ERLEC1: variants seen among roughly 807,000 people sequenced by gnomAD.
ERLEC1 encodes endoplasmic reticulum lectin 1, also known as ER lectin.
In ERLEC1, 47 loss-of-function variants were observed where a neutral mutation model predicts 68.0. That is an observed-to-expected ratio of 0.69 (90% CI 0.55 to 0.88). ERLEC1 has a LOEUF of 0.88. Among genes scored for constraint, ERLEC1 ranks in the 40% least tolerant of loss-of-function variants. The pLI is 0.00. For missense variants in ERLEC1, 567 were observed against 583.8 expected, an observed-to-expected ratio of 0.97 and a Z score of 0.30; for synonymous variants, 225 against 203.2, an observed-to-expected ratio of 1.11 and a Z score of -0.91.
At chr2:53,790,570 A>G (rs770570073) in intron 1 of ERLEC1, among the ~76,000 whole-genome samples, 3 of 152,220 alleles carry the variant, frequency 2.0e-5, no homozygotes, top group South Asian at 2.1e-4. Flanking sequence ...AAAACAATAT[A>G]TAATTATTTA....
At chr2:53,796,075 G>T in intron 3 of ERLEC1, 62 bp downstream of exon 3, 1 of 1,113,970 alleles carries the variant, frequency 9.0e-7, no homozygotes, top group South Asian at 1.5e-5. Flanking sequence ...ACAGACCTTT[G>T]AAAATACCGT....
chr2:53,812,555 T>G (rs1676645921), intron 10 of ERLEC1, among the ~76,000 whole-genome samples: 1 of 152,080 alleles, frequency 6.6e-6, no homozygotes, highest in South Asian at 2.1e-4. Flanking sequence ...CAGTAGTATG[T>G]GATAGTATTA....
intron 8 of ERLEC1, among the ~76,000 whole-genome samples, chr2:53,807,666 A>T (rs114332379): frequency 6.6e-6 from 1 of 152,200 alleles, no homozygotes; most frequent in East Asian, 1.9e-4. Flanking sequence ...TTCCAAAACC[A>T]AATGTAGGGA....
Position 53,795,969 on chromosome 2 carries a change from G to A in ERLEC1, c.304G>A (p.Glu102Lys). 1 of 1,604,780 alleles carries A rather than the reference G, an allele frequency of 6.2e-7. No individual in the cohort carries two copies. Among genetic ancestry groups the A allele is most frequent in the Non-Finnish European group, 8.5e-7 (1 of 1,176,888 alleles). The part of the protein sequence containing the change: ...EKDYKGPNPR[E>K]LLEPLFKQSS... Reference sequence around the variant, plus strand: ...GGATTATAAAGGCCCTAATCCAAGAGAGCTTTTGGAGCCACTATTTAAACA... The same window carrying A: ...GGATTATAAAGGCCCTAATCCAAGAAAGCTTTTGGAGCCACTATTTAAACA... The change falls in exon 3 of 14, where the codon GAG (glutamate) becomes AAG (lysine). Residue 102 changes from glutamate (E) to lysine (K), a missense_variant. Glu to Lys is a moderately conservative substitution (Grantham distance 56). Coordinates refer to ENST00000185150, the MANE Select transcript of ERLEC1 (RefSeq NM_015701.5).
Position 53,795,921 on chromosome 2 carries a change from A to G in ERLEC1, c.268-12A>G, listed in dbSNP as rs112431611. On this transcript the variant is annotated splice_polypyrimidine_tract_variant and intron_variant, in intron 2 of 13. Transcript: ENST00000185150. ...GAAAAACTGTAAGTATTAAACTCCA[A>G]TTCTTTCTTAGGAAGAAGAAAAGGA... The G allele has an allele frequency of 9.3e-5, 147 of 1,572,862 alleles. No individual in the cohort carries two copies. The African/African-American group carries it at 9.6e-4, about 10-fold the overall frequency.
chr2:53,817,777 G>A (rs968216785), intron 13 of ERLEC1, 121 bp from the exon 14 acceptor site: 11 of 627,682 alleles, frequency 1.8e-5, no homozygotes, highest in Non-Finnish European at 2.6e-5. Context: ...AATGTTGGAT[G>A]TTTATCTAAA....
Position 53,787,079 on chromosome 2 carries a change from T to G in ERLEC1, c.-132T>G. 1 of 1,250,886 alleles carries G rather than the reference T, an allele frequency of 8.0e-7. No homozygotes were observed. The highest frequency in any genetic ancestry group is 1.1e-6 in the Non-Finnish European group (1 of 945,226). The allele number at this position is 1,250,886 out of a possible 1,614,324, so 77.5% of individuals were successfully genotyped here. A position where few individuals can be genotyped will look rare whatever the true frequency, so the allele number is the denominator to read the frequency against. On this transcript the variant is annotated 5_prime_UTR_variant, in exon 1 of 14. Coordinates refer to ENST00000185150, the MANE Select transcript of ERLEC1 (RefSeq NM_015701.5). Reference sequence around the variant, plus strand: ...TTGCCGGGCTCTCCGGAAGGAGACGTGGCGGCGGTTGGGCCGGTGATACCC... The same window carrying G: ...TTGCCGGGCTCTCCGGAAGGAGACGGGGCGGCGGTTGGGCCGGTGATACCC...
rs1421561921 is a variant in ERLEC1 at position 53,809,259 on chromosome 2, C to A, written c.1087C>A (p.His363Asn). Residue 363 changes from histidine to asparagine, a missense_variant, in exon 10 of 14, where the codon CAT becomes AAT. His to Asn is a moderately conservative substitution (Grantham distance 68). Transcript: ENST00000185150. ...KYEFCYGKHV[H>N]QYHEDKDSGK... ...TGAATTCTGCTATGGCAAACATGTA[C>A]ATCAATACCATGAGGTATAGAATAG... 1.3e-6 allele frequency: 2 copies of A among 1,572,834 alleles called. No homozygotes were observed. Among genetic ancestry groups the A allele is most frequent in the South Asian group, 1.2e-5 (1 of 82,154 alleles).
intron 3 of ERLEC1, 139 bp downstream of exon 3, chr2:53,796,152 G>T: frequency 1.8e-6 from 1 of 549,244 alleles, no homozygotes; most frequent in Non-Finnish European, 3.1e-6. Flanking sequence ...GGTTACCTGT[G>T]CAGGATTGTT....
At position 53,818,028 on chromosome 2, in the gene ERLEC1, A is replaced by G; in HGVS notation, c.*59A>G. 1 of 1,096,674 alleles carries G rather than the reference A, an allele frequency of 9.1e-7. No homozygotes were observed. The highest frequency in any genetic ancestry group is 1.4e-6 in the Non-Finnish European group (1 of 712,002). 67.9% of individuals were successfully genotyped at this position (1,096,674 alleles called of 1,614,324 possible). Reference sequence around the variant, plus strand: ...TGAAAGTCATGATAATTTCTGTCCCACTGTGTCTCATTATAGAGTTCTCAG... The same window carrying G: ...TGAAAGTCATGATAATTTCTGTCCCGCTGTGTCTCATTATAGAGTTCTCAG... On this transcript the variant is annotated 3_prime_UTR_variant, in exon 14 of 14. Coordinates refer to ENST00000185150, the MANE Select transcript of ERLEC1 (RefSeq NM_015701.5).
chr2:53,797,487 T>G, intron 3 of ERLEC1, 28 bp from the exon 4 acceptor site: 1 of 1,541,464 alleles, frequency 6.5e-7, no homozygotes. Context: ...GTGGCTTTTG[T>G]GCATTGAAAT....
chr2:53,803,159 G>C (rs1475161529), intron 8 of ERLEC1, among the ~76,000 whole-genome samples: 1 of 152,066 alleles, frequency 6.6e-6, no homozygotes, highest in African/African-American at 2.4e-5. Flanking sequence ...TAAACCAGAA[G>C]GCAGAAGAAA....
chr2:53,804,973 G>A (rs1325414100), intron 8 of ERLEC1, among the ~76,000 whole-genome samples: 2 of 148,088 alleles, frequency 1.4e-5, no homozygotes, highest in African/African-American at 5.0e-5. Context: ...CCACGTTGTT[G>A]CAAATGACAG....
rs573642810 is a variant in ERLEC1 at position 53,798,052 on chromosome 2, G to A, written c.490+257G>A. On this transcript the variant is annotated intron_variant, in intron 5 of 13. Transcript: ENST00000185150. ...TCTATTAAAAATACAAAAATTAGCC[G>A]GGCGTGGTGGCAGACGCCTGTAGTC... 7.2e-5 allele frequency among the ~76,000 whole-genome samples: 11 copies of A among 152,122 alleles called. No individual in the cohort carries two copies. In the East Asian group the frequency reaches 9.7e-4, roughly 13 times the overall value.
In ERLEC1 at chr2:53,818,054, C is replaced by A; in HGVS notation, c.*85C>A. 1.2e-6 allele frequency: 1 copy of A among 855,736 alleles called. No homozygotes were observed. Among genetic ancestry groups the A allele is most frequent in the Admixed American group, 1.8e-5 (1 of 54,728 alleles). 53.0% of individuals were successfully genotyped at this position (855,736 alleles called of 1,614,324 possible). A position where few individuals can be genotyped will look rare whatever the true frequency, so the allele number is the denominator to read the frequency against. On this transcript the variant is annotated 3_prime_UTR_variant, in exon 14 of 14. Coordinates refer to ENST00000185150, the MANE Select transcript of ERLEC1 (RefSeq NM_015701.5). ...CTGTGTCTCATTATAGAGTTCTCAG[C>A]CATTGGACCTCTTCTAAAGGATGGT...
chr2:53,798,610 A>T (rs1268317022), intron 5 of ERLEC1, among the ~76,000 whole-genome samples: 2 of 151,812 alleles, frequency 1.3e-5, no homozygotes, highest in African/African-American at 4.8e-5. Context: ...TGTTTATCAA[A>T]GCAGAAAATA....
chr2:53,815,723 T>G (rs543907332), intron 13 of ERLEC1, among the ~76,000 whole-genome samples: 19 of 152,256 alleles, frequency 1.2e-4, no homozygotes, highest in Middle Eastern at 3.4e-3. Flanking sequence ...TTTGGTGGTG[T>G]TTTGTTTAGT....
chr2:53,810,975 T>G (rs550248585), intron 10 of ERLEC1, among the ~76,000 whole-genome samples: 87 of 152,318 alleles, frequency 5.7e-4, no homozygotes, highest in African/African-American at 2.0e-3. Flanking sequence ...CTGTCTCCTC[T>G]GCCATCATAC....
Position 53,799,072 on chromosome 2 carries a change from A to G in ERLEC1, c.516A>G (p.Lys172=), listed in dbSNP as rs374722675. ...EKEREAEEKE[K]SNEIPTKNIE... is the part of the protein sequence containing the mutation. ...AACGAGAAGCAGAAGAAAAGGAAAA[A>G]TCAAATGAGGCAAGTGACAGATGTT... The change falls in exon 6 of 14, where the codon AAA becomes AAG. Residue 172 remains lysine (K), a synonymous_variant. Transcript: ENST00000185150. 7 of 1,612,426 alleles carry G rather than the reference A, an allele frequency of 4.3e-6. No homozygotes were observed. The highest frequency in any genetic ancestry group is 3.3e-5 in the South Asian group (3 of 90,812).
Sources: gnomAD v4.1 joint callset for allele counts (sites outside exome capture counted in the v4.1 genomes callset) on GRCh38, gnomAD v4.1.1 for gene constraint, MANE v1.5 for transcripts, NCBI Gene and HGNC (gene_info 2026-07-23, HGNC 2026-07-21) for gene names.